Variants in RSRC1 observed in about 807,000 individuals in gnomAD.
RSRC1 encodes arginine and serine rich coiled-coil 1.
Under a neutral mutation model 49.1 loss-of-function variants are expected in RSRC1, and 39 were observed. The ratio of observed to expected loss-of-function variants is 0.79; its 90% CI spans 0.61 to 1.04. The LOEUF (loss-of-function observed/expected upper bound fraction) is 1.04. Ranked by LOEUF, RSRC1 falls within the 50% of genes least tolerant of loss-of-function variation. The pLI is 0.00. For missense variants in RSRC1, 388 were observed against 402.4 expected (o/e 0.96, Z 0.31); for synonymous variants, 143 against 130.8 (o/e 1.09, Z -0.63).
At chr3:158,442,298 A>G (rs1391557117) in intron 6 of RSRC1, among the ~76,000 whole-genome samples, 1 of 152,164 alleles carries the variant, frequency 6.6e-6, no homozygotes, top group Non-Finnish European at 1.5e-5. Context: ...TACCCACGGT[A>G]GAATTTCTTT....
chr3:158,427,949 T>A (rs1417249171), intron 6 of RSRC1, among the ~76,000 whole-genome samples: 2 of 151,862 alleles, frequency 1.3e-5, no homozygotes, highest in Admixed American at 1.3e-4. Context: ...TTCTTTGATT[T>A]ACATTATTTG....
At chr3:158,193,651 GA>G (rs1460935742) in intron 3 of RSRC1, among the ~76,000 whole-genome samples, 1 of 151,950 alleles carries the variant, frequency 6.6e-6, no homozygotes, top group Non-Finnish European at 1.5e-5. Context: ...TTTTTTATCA[GA>G]AAACTTTAGA....
chr3:158,422,137 C>A (rs58051166), intron 6 of RSRC1, among the ~76,000 whole-genome samples: 16,709 of 150,904 alleles, frequency 0.11, 1,314 homozygotes, highest in East Asian at 0.35. Context: ...AGGTTAGTTA[C>A]ATATGTATAC....
chr3:158,164,176 A>G (rs1366388343), intron 3 of RSRC1, among the ~76,000 whole-genome samples: 1 of 152,136 alleles, frequency 6.6e-6, no homozygotes, highest in Non-Finnish European at 1.5e-5. Context: ...TCATAAATGA[A>G]ACTTCTATAG....
intron 4 of RSRC1, among the ~76,000 whole-genome samples, chr3:158,287,118 G>A (rs1321408502): frequency 6.6e-6 from 1 of 152,146 alleles, no homozygotes; most frequent in African/African-American, 2.4e-5. Flanking sequence ...GAGTCACTGC[G>A]CCTAGCCTTT....
chr3:158,285,607 C>A (rs1167076897), intron 4 of RSRC1, among the ~76,000 whole-genome samples: 1 of 152,104 alleles, frequency 6.6e-6, no homozygotes, highest in African/African-American at 2.4e-5. Flanking sequence ...AGGTCCTTCA[C>A]ATCCCTTGTA....
chr3:158,339,188 A>G (rs1455773314), intron 5 of RSRC1, among the ~76,000 whole-genome samples: 1 of 150,056 alleles, frequency 6.7e-6, no homozygotes, highest in East Asian at 2.0e-4. Flanking sequence ...GCTATTCTGG[A>G]GGCTGAGGCA....
chr3:158,374,164 AT>A (rs1017027641), intron 6 of RSRC1, among the ~76,000 whole-genome samples: 1 of 151,998 alleles, frequency 6.6e-6, no homozygotes, highest in Non-Finnish European at 1.5e-5. Flanking sequence ...CGGATTGGAT[AT>A]TTTTTTCTTT....
At chr3:158,406,288 C>T (rs1734159774) in intron 6 of RSRC1, among the ~76,000 whole-genome samples, 1 of 151,958 alleles carries the variant, frequency 6.6e-6, no homozygotes, top group Non-Finnish European at 1.5e-5. Context: ...ATGTATTGGG[C>T]AATGTATTTA....
At chr3:158,437,699 A>G (rs1414376377) in intron 6 of RSRC1, among the ~76,000 whole-genome samples, 7 of 152,202 alleles carry the variant, frequency 4.6e-5, no homozygotes, top group Non-Finnish European at 1.0e-4. Flanking sequence ...TGACAAACTC[A>G]CAGCCAATAT....
chr3:158,530,742 G>A (rs906020418), intron 7 of RSRC1, among the ~76,000 whole-genome samples: 14 of 151,718 alleles, frequency 9.2e-5, no homozygotes, highest in African/African-American at 2.9e-4. Context: ...CCACACAGCT[G>A]GTACATAGCA....
intron 1 of RSRC1, among the ~76,000 whole-genome samples, chr3:158,116,918 AT>A (rs1353782389): frequency 2.0e-5 from 3 of 152,024 alleles, no homozygotes; most frequent in Non-Finnish European, 2.9e-5. Context: ...TATATTTTGA[AT>A]CTGGGTTGTC....
intron 3 of RSRC1, among the ~76,000 whole-genome samples, chr3:158,199,470 C>T (rs1318578238): frequency 6.6e-6 from 1 of 152,080 alleles, no homozygotes; most frequent in East Asian, 1.9e-4. Flanking sequence ...TTGATATTCT[C>T]AGGGTACTAG....
At chr3:158,269,864 A>G (rs760023304) in intron 4 of RSRC1, among the ~76,000 whole-genome samples, 7 of 152,068 alleles carry the variant, frequency 4.6e-5, no homozygotes, top group Non-Finnish European at 5.9e-5. Flanking sequence ...TTCTTTTGAT[A>G]TCTTGAAGAT....
chr3:158,424,023 G>C (rs1461684734), intron 6 of RSRC1, among the ~76,000 whole-genome samples: 3 of 151,090 alleles, frequency 2.0e-5, no homozygotes, highest in Admixed American at 2.0e-4. Context: ...TGCAAACAGG[G>C]ACAATTTGAC....
chr3:158,346,851 G>A (rs1730580046), intron 5 of RSRC1, among the ~76,000 whole-genome samples: 1 of 152,104 alleles, frequency 6.6e-6, no homozygotes, highest in Non-Finnish European at 1.5e-5. Flanking sequence ...GCAAAAATTG[G>A]AAATACTTTG....
intron 3 of RSRC1, among the ~76,000 whole-genome samples, chr3:158,139,308 G>A (rs113920164): frequency 0.053 from 8,032 of 152,056 alleles, 289 homozygotes; most frequent in Non-Finnish European, 0.078. Flanking sequence ...GGCTAAGGCA[G>A]GGCAGGAGAA....
intron 4 of RSRC1, among the ~76,000 whole-genome samples, chr3:158,253,191 G>C (rs1303125564): frequency 2.0e-5 from 3 of 151,350 alleles, no homozygotes; most frequent in African/African-American, 7.3e-5. Flanking sequence ...TGCTTTTTTT[G>C]ATGTAGATTC....
chr3:158,441,485 A>C (rs9863618), intron 6 of RSRC1, among the ~76,000 whole-genome samples: 2,562 of 152,150 alleles, frequency 0.017, 67 homozygotes, highest in African/African-American at 0.059. Context: ...ATATTCCTGC[A>C]TCCTGGATCA....
Sources: allele counts gnomAD v4.1 joint callset (sites outside exome capture counted in the v4.1 genomes callset), GRCh38; gene constraint gnomAD v4.1.1; transcripts MANE v1.5; gene names NCBI Gene and HGNC (gene_info 2026-07-23, HGNC 2026-07-21).